PIK3C3: variants seen among roughly 807,000 people sequenced by gnomAD.
PIK3C3 encodes phosphatidylinositol 3-kinase catalytic subunit type 3.
A neutral mutation model predicts 126.1 loss-of-function variants in PIK3C3; 95 were observed. The ratio of observed to expected loss-of-function variants is 0.75; its 90% CI spans 0.64 to 0.89. PIK3C3 has a LOEUF of 0.89. Ranked by LOEUF, PIK3C3 falls within the 40% of genes least tolerant of loss-of-function variation. The pLI, the probability that PIK3C3 is intolerant of heterozygous loss-of-function variation, is 0.00. For synonymous variants in PIK3C3, 374 were observed against 360.0 expected (o/e 1.04, Z -0.44); for missense variants, 829 against 1,063.2 (o/e 0.78, Z 3.06).
rs138830568 is a variant in PIK3C3, at chr18:42,058,015, G to C, written c.2396G>C (p.Arg799Pro). ...GTQSEQYQEF[R>P]KQCYTAFLHL... ...CAGAGTGAGCAGTACCAAGAGTTCCGTAAACAGTGTTACACGGCTTTCCTC... is the reference window on the plus strand; with the variant it reads ...CAGAGTGAGCAGTACCAAGAGTTCCCTAAACAGTGTTACACGGCTTTCCTC... Residue 799 changes from arginine to proline, a missense_variant, in exon 22 of 25, where the codon CGT (arginine) becomes CCT (proline). Physicochemically the swap from Arg to Pro is moderately radical, Grantham distance 103. Coordinates refer to ENST00000262039, the MANE Select transcript of PIK3C3 (RefSeq NM_002647.4). 7 of 1,610,542 alleles carry C rather than the reference G, an allele frequency of 4.3e-6. No individual in the cohort carries two copies. Among genetic ancestry groups the C allele is most frequent in the Non-Finnish European group, 5.9e-6 (7 of 1,178,714 alleles).
At chr18:42,057,127 C>G (rs1322103047) in intron 21 of PIK3C3, among the ~76,000 whole-genome samples, 2 of 144,008 alleles carry the variant, frequency 1.4e-5, no homozygotes, top group African/African-American at 5.1e-5. Flanking sequence ...ATTGTGCCTA[C>G]TCTTACATAC....
intron 21 of PIK3C3, among the ~76,000 whole-genome samples, chr18:42,052,112 TA>T (rs1219117119): frequency 6.6e-6 from 1 of 152,050 alleles, no homozygotes; most frequent in Non-Finnish European, 1.5e-5. Context: ...TCAGACAGTG[TA>T]AAAAACCTTT....
intron 3 of PIK3C3, among the ~76,000 whole-genome samples, chr18:41,965,568 G>A (rs550222497): frequency 3.5e-4 from 54 of 152,304 alleles, no homozygotes; most frequent in Admixed American, 1.2e-3. Flanking sequence ...CAGTGTGTCT[G>A]TGGTGGGGCC....
At chr18:42,027,261 G>A (rs977258221) in intron 13 of PIK3C3, 182 bp from the exon 14 acceptor site, 26 of 327,746 alleles carry the variant, frequency 7.9e-5, no homozygotes, top group Non-Finnish European at 1.2e-4. Context: ...TTTTATTGAT[G>A]GTTGTATGTG....
At chr18:42,056,188 C>T (rs1985056931) in intron 21 of PIK3C3, among the ~76,000 whole-genome samples, 1 of 151,932 alleles carries the variant, frequency 6.6e-6, no homozygotes, top group Non-Finnish European at 1.5e-5. Flanking sequence ...GATGAATTTT[C>T]TTAAAACATT....
chr18:41,964,624 A>C (rs185553554), intron 3 of PIK3C3, among the ~76,000 whole-genome samples: 24 of 152,246 alleles, frequency 1.6e-4, no homozygotes, highest in African/African-American at 5.1e-4. Context: ...AAAATGTTTA[A>C]GTATTAGGTA....
intron 24 of PIK3C3, 64 bp downstream of exon 24, chr18:42,067,577 A>T: frequency 6.4e-7 from 1 of 1,553,636 alleles, no homozygotes. Context: ...GAGTCCTTGG[A>T]GAGCCATGCA....
In PIK3C3 at chr18:41,976,567, A is replaced by T. The variant is rs111720747; in HGVS notation, c.531+6111A>T. 3.2e-3 allele frequency among the ~76,000 whole-genome samples: 485 copies of T among 152,352 alleles called. 1 individual carries two copies. Among genetic ancestry groups the T allele is most frequent in the Non-Finnish European group, 5.2e-3 (357 of 68,030 alleles). On this transcript the variant is annotated intron_variant, in intron 4 of 24. Coordinates refer to ENST00000262039, the MANE Select transcript of PIK3C3 (RefSeq NM_002647.4). ...AGAGACCATTTTTTATTCAAATCCC[A>T]GCTGTGATCTTGAACTAGCTATTTA...
chr18:41,983,241 G>A (rs1177954318), intron 4 of PIK3C3, among the ~76,000 whole-genome samples: 4 of 152,016 alleles, frequency 2.6e-5, no homozygotes, highest in Non-Finnish European at 5.9e-5. Context: ...AACATTCTAT[G>A]CTCATCTGAA....
chr18:42,037,641 T>G (rs1984114551), intron 16 of PIK3C3, 51 bp from the exon 17 acceptor site: 1 of 1,530,316 alleles, frequency 6.5e-7, no homozygotes, highest in African/African-American at 1.4e-5. Context: ...ATAGTACAAT[T>G]TTATGCATTA....
In PIK3C3 at chr18:42,051,399, C is replaced by T. The variant is rs544168745; in HGVS notation, c.2263+1794C>T. 3.9e-5 allele frequency: 6 copies of T among 152,194 alleles called. No homozygotes were observed. The East Asian group carries it at 9.7e-4, about 25-fold the overall frequency. The allele number at this position is 152,194 out of a possible 1,614,324, so 9.4% of individuals were successfully genotyped here. On this transcript the variant is annotated intron_variant, in intron 21 of 24. Transcript: ENST00000262039. ...TACGTTACTCTTTAAATTGGTCTCT[C>T]AAAACATTTTCTGTTTTGTTTGTAT...
Position 41,955,323 on chromosome 18 carries a change from A to G in PIK3C3, c.32A>G (p.Tyr11Cys), listed in dbSNP as rs1462208909. Residue 11 changes from tyrosine to cysteine, a missense_variant, in exon 1 of 25, where the codon TAT becomes TGT. Tyr to Cys is a radical substitution (Grantham distance 194). Around this residue, in one of 4 missense-constraint regions of PIK3C3, gnomAD observed 313 missense variants for 340.7 expected, o/e 0.92. Transcript: ENST00000262039. The part of the protein sequence containing the change: MGEAEKFHYI[Y>C]SCDLDINVQL... ...GAAGCAGAGAAGTTTCACTACATCTATAGTTGTGACCTGGATATCAACGTC... is the reference window on the plus strand; with the variant it reads ...GAAGCAGAGAAGTTTCACTACATCTGTAGTTGTGACCTGGATATCAACGTC... 3.1e-6 allele frequency: 5 copies of G among 1,613,720 alleles called. No individual in the cohort carries two copies. The highest frequency in any genetic ancestry group is 1.1e-5 in the South Asian group (1 of 91,036).
intron 9 of PIK3C3, among the ~76,000 whole-genome samples, chr18:41,999,064 C>T (rs184383204): frequency 6.6e-6 from 1 of 151,934 alleles, no homozygotes; most frequent in African/African-American, 2.4e-5. Flanking sequence ...GTCTTTCTAC[C>T]CCCTTTTTTT....
chr18:42,048,267 G>C (rs551842674), intron 20 of PIK3C3, among the ~76,000 whole-genome samples: 6 of 152,294 alleles, frequency 3.9e-5, no homozygotes, highest in African/African-American at 1.4e-4. Context: ...CCAGGTGAAG[G>C]CTCTGTGTTT....
At chr18:42,069,786 T>C (rs1386116195) in intron 24 of PIK3C3, among the ~76,000 whole-genome samples, 1 of 152,222 alleles carries the variant, frequency 6.6e-6, no homozygotes, top group East Asian at 1.9e-4. Context: ...TGGAGAATGA[T>C]ATAATGGAGC....
chr18:42,069,202 G>T (rs1379350680), intron 24 of PIK3C3, among the ~76,000 whole-genome samples: 2 of 152,156 alleles, frequency 1.3e-5, no homozygotes, highest in African/African-American at 4.8e-5. Context: ...GGCTGCCTCA[G>T]GGTCTGCTTC....
chr18:42,015,341 T>A (rs544341787), intron 11 of PIK3C3, 135 bp from the exon 12 acceptor site: 52 of 654,492 alleles, frequency 7.9e-5, no homozygotes, highest in Admixed American at 4.2e-4. Flanking sequence ...GTGACTCTAG[T>A]GTTGCACAGA....
intron 20 of PIK3C3, among the ~76,000 whole-genome samples, chr18:42,049,015 A>T (rs1984678586): frequency 6.6e-6 from 1 of 152,198 alleles, no homozygotes. Flanking sequence ...AGCCTTGATC[A>T]TGTAATTTTT....
intron 24 of PIK3C3, among the ~76,000 whole-genome samples, chr18:42,076,563 A>G (rs1160700320): frequency 1.3e-5 from 2 of 152,170 alleles, no homozygotes; most frequent in African/African-American, 4.8e-5. Context: ...CACTGCAGTC[A>G]GCATTGCTGC....
Sources: allele counts gnomAD v4.1 joint callset (sites outside exome capture counted in the v4.1 genomes callset), GRCh38; gene constraint gnomAD v4.1.1; regional missense constraint gnomAD v4.1.1; transcripts MANE v1.5; gene names NCBI Gene and HGNC (gene_info 2026-07-23, HGNC 2026-07-21).